BLOC1S2: variants seen among roughly 807,000 people sequenced by gnomAD.
BLOC1S2 encodes the protein biogenesis of lysosome-related organelles complex 1 subunit 2.
A neutral mutation model predicts 19.6 loss-of-function variants in BLOC1S2; 12 were observed. The observed-to-expected ratio is 0.61, with a 90% CI of 0.39 to 0.99. BLOC1S2 has a LOEUF of 0.99. Among genes scored for constraint, BLOC1S2 ranks in the 50% least tolerant of loss-of-function variants. BLOC1S2 has a pLI of 0.00. For missense variants in BLOC1S2, 142 were observed against 171.0 expected, an observed-to-expected ratio of 0.83 and a Z score of 0.95; for synonymous variants, 66 against 64.1, an observed-to-expected ratio of 1.03 and a Z score of -0.14.
At position 100,275,348 on chromosome 10, in the gene BLOC1S2, C is replaced by T. The variant is rs1847824684; in HGVS notation, c.*114G>A. The T allele has an allele frequency of 5.5e-6, 6 of 1,082,262 alleles. No homozygotes were observed. Among genetic ancestry groups the T allele is most frequent in the Middle Eastern group, 2.1e-4 (1 of 4,732 alleles). 67.0% of individuals were successfully genotyped at this position (1,082,262 alleles called of 1,614,324 possible). ...AACGTTGAGATGTTCCTGTGATGACCAGCATAATTTCCTTTTGAGGAATTT... is the reference window on the plus strand; with the variant it reads ...AACGTTGAGATGTTCCTGTGATGACTAGCATAATTTCCTTTTGAGGAATTT... On this transcript the variant is annotated 3_prime_UTR_variant, in exon 5 of 5. Transcript: ENST00000370372.
At chr10:100,278,170 G>GC (rs1334742991) in intron 4 of BLOC1S2, among the ~76,000 whole-genome samples, 1 of 137,874 alleles carries the variant, frequency 7.3e-6, no homozygotes, top group Admixed American at 7.0e-5. Flanking sequence ...GGGGGGGTCA[G>GC]CCCCCTACCC....
intron 1 of BLOC1S2, 189 bp from the exon 2 acceptor site, chr10:100,286,402 C>G: frequency 6.8e-7 from 1 of 1,461,604 alleles, no homozygotes; most frequent in Non-Finnish European, 9.1e-7. Flanking sequence ...CCTCGCACCG[C>G]CCCTCGCCCA....
At position 100,275,149 on chromosome 10, in the gene BLOC1S2, G is replaced by T. The variant is rs940157323; in HGVS notation, c.*313C>A. 3 of 404,840 alleles carry T rather than the reference G, an allele frequency of 7.4e-6. No individual in the cohort carries two copies. Among genetic ancestry groups the T allele is most frequent in the South Asian group, 1.2e-4 (1 of 8,374 alleles). 25.1% of individuals were successfully genotyped at this position (404,840 alleles called of 1,614,324 possible). ...AATCAACCACTACCAGAGAAAATAG[G>T]TCCTCTCATTTGATTTTACTGGTAA... On this transcript the variant is annotated 3_prime_UTR_variant, in exon 5 of 5. Coordinates refer to ENST00000370372, the MANE Select transcript of BLOC1S2 (RefSeq NM_173809.5).
chr10:100,280,350 G>A, intron 3 of BLOC1S2, 122 bp from the exon 4 acceptor site: 1 of 825,506 alleles, frequency 1.2e-6, no homozygotes. Flanking sequence ...TAGGTGGCGT[G>A]ACATGATTCT....
intron 3 of BLOC1S2, 68 bp downstream of exon 3, chr10:100,280,866 T>C: frequency 1.3e-6 from 2 of 1,502,718 alleles, no homozygotes; most frequent in Non-Finnish European, 8.8e-7. Context: ...TCCCTCCTCT[T>C]CTCCATGGCC....
chr10:100,284,564 T>C (rs566211824), intron 2 of BLOC1S2, among the ~76,000 whole-genome samples: 1 of 152,268 alleles, frequency 6.6e-6, no homozygotes, highest in South Asian at 2.1e-4. Context: ...CGATCACAGC[T>C]CACTATAACC....
rs1362318729 is a variant in BLOC1S2 at position 100,286,598 on chromosome 10, C to T, written c.55+7G>A. 1.2e-6 allele frequency: 2 copies of T among 1,612,770 alleles called. No homozygotes were observed. Among genetic ancestry groups the T allele is most frequent in the African/African-American group, 2.7e-5 (2 of 74,898 alleles). On this transcript the variant is annotated splice_region_variant and intron_variant, in intron 1 of 4. Transcript: ENST00000370372. ...CCGGACGCTTCCTCCCCATCCATTC[C>T]GGGTACCTCGGGCGGGCTCATCACT...
At chr10:100,277,052 A>T in intron 4 of BLOC1S2, among the ~76,000 whole-genome samples, 1 of 143,676 alleles carries the variant, frequency 7.0e-6, no homozygotes, top group African/African-American at 2.6e-5. Flanking sequence ...CCACCTGGGA[A>T]GTGAGGAGCG....
intron 2 of BLOC1S2, among the ~76,000 whole-genome samples, chr10:100,283,424 C>T (rs1190984929): frequency 6.6e-6 from 1 of 152,182 alleles, no homozygotes; most frequent in Non-Finnish European, 1.5e-5. Context: ...TCAAGCAATT[C>T]TCCTGCCTCC....
intron 4 of BLOC1S2, among the ~76,000 whole-genome samples, chr10:100,276,644 G>A (rs1847881537): frequency 6.7e-6 from 1 of 150,158 alleles, no homozygotes; most frequent in Non-Finnish European, 1.5e-5. Flanking sequence ...TGCGATTGCA[G>A]GCGCGCGCCG....
Position 100,275,287 on chromosome 10 carries a change from A to C in BLOC1S2, c.*175T>G. On this transcript the variant is annotated 3_prime_UTR_variant, in exon 5 of 5. Transcript: ENST00000370372. ...ATTCTGAGGGATTCTGTCTCAAAGAAGGTTCAGGAATAGCCACAGTCCTCC... is the reference window on the plus strand; with the variant it reads ...ATTCTGAGGGATTCTGTCTCAAAGACGGTTCAGGAATAGCCACAGTCCTCC... 1 of 566,196 alleles carries C rather than the reference A, an allele frequency of 1.8e-6. No individual in the cohort carries two copies. Among genetic ancestry groups the C allele is most frequent in the Non-Finnish European group, 3.1e-6 (1 of 323,264 alleles). The allele number at this position is 566,196 out of a possible 1,614,324, so 35.1% of individuals were successfully genotyped here.
intron 2 of BLOC1S2, among the ~76,000 whole-genome samples, chr10:100,284,827 T>G (rs1420831035): frequency 6.6e-6 from 1 of 151,870 alleles, no homozygotes; most frequent in East Asian, 1.9e-4. Flanking sequence ...AAAAGAAAAG[T>G]AATGAAGATC....
intron 4 of BLOC1S2, among the ~76,000 whole-genome samples, chr10:100,276,301 T>TC (rs1447469884): frequency 3.7e-4 from 45 of 121,068 alleles, no homozygotes; most frequent in African/African-American, 1.1e-3. Context: ...CGTCTCCCTC[T>TC]CCATCTCCCT....
At chr10:100,280,478 T>G (rs74885982) in intron 3 of BLOC1S2, among the ~76,000 whole-genome samples, 11,108 of 152,244 alleles carry the variant, frequency 0.073, 737 homozygotes, top group African/African-American at 0.16. Flanking sequence ...TCTTGCTCCT[T>G]GAGCAATCTT....
chr10:100,276,552 G>A (rs1418090615), intron 4 of BLOC1S2, among the ~76,000 whole-genome samples: 1 of 150,398 alleles, frequency 6.6e-6, no homozygotes, highest in Non-Finnish European at 1.5e-5. Flanking sequence ...CTCAAGCCGG[G>A]CCAAAGCTGG....
chr10:100,276,241 G>T (rs193152952), intron 4 of BLOC1S2, among the ~76,000 whole-genome samples: 1 of 152,046 alleles, frequency 6.6e-6, no homozygotes, highest in African/African-American at 2.4e-5. Context: ...GTTAAATGAT[G>T]AAAATAAAAT....
At position 100,280,129 on chromosome 10, in the gene BLOC1S2, T is replaced by C; in HGVS notation, c.392A>G (p.Lys131Arg). ...ACAGAAGTAAAAACGGTTACCCAGT[T>C]TTTTTGAATATGCATCCAACTTGTA... ...AAYKLDAYSKKLEAKYKKLEK... is the reference protein window; with the variant it reads ...AAYKLDAYSKRLEAKYKKLEK... The change falls in exon 4 of 5, where the codon AAA (lysine) becomes AGA (arginine). Residue 131 changes from lysine (K) to arginine (R), a missense_variant. Lys to Arg is a conservative substitution (Grantham distance 26). This residue lies in a region of BLOC1S2 where 94 missense variants were observed against 141.3 expected (regional missense o/e 0.67). Coordinates refer to ENST00000370372, the MANE Select transcript of BLOC1S2 (RefSeq NM_173809.5). The C allele has an allele frequency of 1.9e-6, 3 of 1,612,872 alleles. No homozygotes were observed. The highest frequency in any genetic ancestry group is 2.5e-6 in the Non-Finnish European group (3 of 1,179,458).
At chr10:100,286,418 G>C (rs528723294) in intron 1 of BLOC1S2, 187 bp downstream of exon 1, 15 of 1,461,698 alleles carry the variant, frequency 1.0e-5, no homozygotes, top group Middle Eastern at 1.8e-4. Flanking sequence ...GCCCATACCC[G>C]GCACCCCCGC....
intron 4 of BLOC1S2, among the ~76,000 whole-genome samples, chr10:100,277,322 G>A (rs2134351877): frequency 6.6e-6 from 1 of 151,850 alleles, no homozygotes; most frequent in East Asian, 1.9e-4. Flanking sequence ...ACCCCGGCCG[G>A]GAGGGAGGTG....
Sources: allele counts gnomAD v4.1 joint callset (sites outside exome capture counted in the v4.1 genomes callset), GRCh38; gene constraint gnomAD v4.1.1; regional missense constraint gnomAD v4.1.1; transcripts MANE v1.5; gene names NCBI Gene and HGNC (gene_info 2026-07-23, HGNC 2026-07-21).